EPHB1: variants seen among roughly 807,000 people sequenced by gnomAD.
EPHB1 encodes the protein ephrin type-B receptor 1.
EPHB1 carries 30 observed loss-of-function variants against 94.4 expected under a neutral mutation model. The observed-to-expected ratio is 0.32, with a 90% CI of 0.24 to 0.43. The LOEUF (loss-of-function observed/expected upper bound fraction) is 0.43, where lower values mean the gene tolerates loss of function less well. Ranked by LOEUF, EPHB1 falls within the 20% of genes least tolerant of loss-of-function variation. The probability of loss-of-function intolerance (pLI) is 1.00; values close to 1 mark genes in which losing one functional copy is unlikely to be tolerated. For missense variants in EPHB1, 1,055 were observed against 1,308.3 expected (o/e 0.81, Z 2.99); for synonymous variants, 522 against 489.1 (o/e 1.07, Z -0.89).
intron 12 of EPHB1, among the ~76,000 whole-genome samples, chr3:135,228,155 C>G (rs955880417): frequency 6.6e-6 from 1 of 152,100 alleles, no homozygotes; most frequent in South Asian, 2.1e-4. Context: ...AGGATCCAGT[C>G]TAGCTTCTGA....
intron 6 of EPHB1, among the ~76,000 whole-genome samples, chr3:135,160,235 G>A (rs1445034832): frequency 2.0e-5 from 3 of 152,192 alleles, no homozygotes; most frequent in Admixed American, 6.5e-5. Flanking sequence ...CTGGCCAAAC[G>A]AAGGAATGAG....
chr3:134,892,225 G>A (rs2037998321), intron 1 of EPHB1, among the ~76,000 whole-genome samples: 2 of 152,210 alleles, frequency 1.3e-5, no homozygotes, highest in African/African-American at 2.4e-5. Flanking sequence ...ATTGCTTAAT[G>A]TCCTTGCCAG....
chr3:135,232,458 C>T (rs79543729), intron 12 of EPHB1, among the ~76,000 whole-genome samples: 2,183 of 152,294 alleles, frequency 0.014, 70 homozygotes, highest in African/African-American at 0.05. Flanking sequence ...GCTGGTCAAC[C>T]ACACAGTCAG....
chr3:134,937,369 C>CT (rs1241335688), intron 2 of EPHB1, among the ~76,000 whole-genome samples: 2 of 152,144 alleles, frequency 1.3e-5, no homozygotes, highest in East Asian at 3.9e-4. Context: ...CCAGATGTGG[C>CT]TTTTTTTCAC....
chr3:135,157,332 G>A (rs769654391), intron 6 of EPHB1, among the ~76,000 whole-genome samples: 4 of 152,194 alleles, frequency 2.6e-5, no homozygotes, highest in South Asian at 4.1e-4. Context: ...CTGAAGCCAC[G>A]AGGCTCATGC....
intron 3 of EPHB1, among the ~76,000 whole-genome samples, chr3:135,077,054 A>G (rs902140278): frequency 2.6e-5 from 4 of 152,246 alleles, no homozygotes; most frequent in Admixed American, 6.5e-5. Flanking sequence ...ACTCAAATTC[A>G]TTGAATAATT....
chr3:135,090,293 T>G (rs556078447), intron 3 of EPHB1, among the ~76,000 whole-genome samples: 17 of 152,298 alleles, frequency 1.1e-4, no homozygotes, highest in Non-Finnish European at 1.2e-4. Flanking sequence ...CCCACTTCTC[T>G]TTCCAAAGTC....
At chr3:134,818,061 T>C (rs1438749019) in intron 1 of EPHB1, among the ~76,000 whole-genome samples, 3 of 151,884 alleles carry the variant, frequency 2.0e-5, no homozygotes, top group Non-Finnish European at 4.4e-5. Context: ...CCACTGACTT[T>C]CCTAAGAGCC....
chr3:134,961,360 A>G (rs1007918446), intron 3 of EPHB1, among the ~76,000 whole-genome samples: 4 of 152,188 alleles, frequency 2.6e-5, no homozygotes. Flanking sequence ...AGTGGTCCTC[A>G]GCCTAATTTT....
At chr3:135,181,575 G>GTGGTAA (rs1942152128) in intron 10 of EPHB1, among the ~76,000 whole-genome samples, 1 of 152,190 alleles carries the variant, frequency 6.6e-6, no homozygotes, top group Non-Finnish European at 1.5e-5. Context: ...GTTATGGCTT[G>GTGGTAA]TGGTAATGGT....
At chr3:134,844,690 A>T (rs185516860) in intron 1 of EPHB1, among the ~76,000 whole-genome samples, 1 of 152,326 alleles carries the variant, frequency 6.6e-6, no homozygotes, top group East Asian at 1.9e-4. Context: ...CAAGAATGCC[A>T]CAGGTACCCA....
At chr3:134,882,761 C>CTCT (rs59448814) in intron 1 of EPHB1, among the ~76,000 whole-genome samples, 1 of 31,262 alleles carries the variant, frequency 3.2e-5, no homozygotes, top group African/African-American at 6.8e-5. Context: ...TTTCTTCCTT[C>CTCT]CTTCCTTTCT....
intron 7 of EPHB1, among the ~76,000 whole-genome samples, chr3:135,162,941 G>C (rs547756007): frequency 3.5e-4 from 54 of 152,174 alleles, no homozygotes; most frequent in African/African-American, 1.3e-3. Context: ...GTAATTATTT[G>C]TGTATCTGCC....
chr3:134,945,421 G>A (rs897606940), intron 2 of EPHB1, among the ~76,000 whole-genome samples: 2 of 152,088 alleles, frequency 1.3e-5, no homozygotes, highest in Admixed American at 6.5e-5. Flanking sequence ...GTATAAGTAT[G>A]GAACAAAAGT....
In EPHB1 at chr3:135,165,976, A is replaced by G; in HGVS notation, c.1594A>G (p.Lys532Glu). Residue 532 changes from lysine (K) to glutamate (E), a missense_variant, in exon 8 of 16, where the codon AAG (lysine) becomes GAG (glutamate). Lys to Glu is a moderately conservative substitution (Grantham distance 56). Coordinates refer to ENST00000398015, the MANE Select transcript of EPHB1 (RefSeq NM_004441.5). Reference protein sequence around the residue: ...CFQTLTDDDYKSELREQLPLI... With the variant: ...CFQTLTDDDYESELREQLPLI... ...GCCTCTTTCTCACCTAGATGATTAC[A>G]AGTCAGAGCTGAGGGAGCAGCTGCC... 8 of 1,613,906 alleles carry G rather than the reference A, an allele frequency of 5.0e-6. No individual in the cohort carries two copies. Among genetic ancestry groups the G allele is most frequent in the Non-Finnish European group, 6.8e-6 (8 of 1,179,794 alleles).
Position 135,132,759 on chromosome 3 carries a change from C to T in EPHB1, c.1007C>T (p.Thr336Met), listed in dbSNP as rs961044599. 3 of 1,609,676 alleles carry T rather than the reference C, an allele frequency of 1.9e-6. No individual in the cohort carries two copies. The highest frequency in any genetic ancestry group is 1.7e-6 in the Non-Finnish European group (2 of 1,176,558). ...PRNVISIVNE[T>M]SIILEWHPPR... The stretch of plus-strand genomic sequence containing the variant: ...AATGTTATCTCCATCGTCAATGAGA[C>T]GTCCATCATTCTGGAGTGGCACCCT... The change falls in exon 5 of 16, where the codon ACG becomes ATG. Residue 336 changes from threonine (T) to methionine (M), a missense_variant. Physicochemically the swap from Thr to Met is moderately conservative, Grantham distance 81 (BLOSUM62 -1). Coordinates refer to ENST00000398015, the MANE Select transcript of EPHB1 (RefSeq NM_004441.5).
intron 12 of EPHB1, among the ~76,000 whole-genome samples, chr3:135,227,666 T>C (rs1190366379): frequency 6.6e-6 from 1 of 152,186 alleles, no homozygotes; most frequent in Non-Finnish European, 1.5e-5. Context: ...GACATGTCTG[T>C]GCACTCGTAT....
At chr3:134,961,124 C>T (rs549290471) in intron 3 of EPHB1, among the ~76,000 whole-genome samples, 13 of 152,322 alleles carry the variant, frequency 8.5e-5, no homozygotes, top group African/African-American at 3.1e-4. Context: ...TGGGCACCAA[C>T]TGGTACTGGG....
intron 3 of EPHB1, among the ~76,000 whole-genome samples, chr3:135,077,770 A>T (rs1193135376): frequency 1.3e-5 from 2 of 152,204 alleles, no homozygotes; most frequent in African/African-American, 4.8e-5. Flanking sequence ...AATGACTGGA[A>T]GTAGGAAGCT....
Sources: gnomAD v4.1 joint callset for allele counts (sites outside exome capture counted in the v4.1 genomes callset) on GRCh38, gnomAD v4.1.1 for gene constraint, MANE v1.5 for transcripts, NCBI Gene and HGNC (gene_info 2026-07-23, HGNC 2026-07-21) for gene names.